The following NTSR1 variants were observed in gnomAD, a reference collection of about 807,000 sequenced individuals.
NTSR1 encodes the protein neurotensin receptor type 1.
In NTSR1, 29 loss-of-function variants were observed where a neutral mutation model predicts 31.2. That is an observed-to-expected ratio of 0.93 (90% CI 0.69 to 1.27). NTSR1 has a LOEUF of 1.27. Among genes scored for constraint, NTSR1 ranks in the 50% most tolerant of loss-of-function variants. The pLI is 0.00. For missense variants in NTSR1, 697 were observed against 595.4 expected (o/e 1.17, Z -1.78); for synonymous variants, 282 against 269.9 (o/e 1.04, Z -0.44).
At chr20:62,748,345 T>C (rs1989338237) in intron 1 of NTSR1, among the ~76,000 whole-genome samples, 1 of 152,174 alleles carries the variant, frequency 6.6e-6, no homozygotes, top group Admixed American at 6.5e-5. Context: ...GTTAAAATTT[T>C]CATACTACCC....
chr20:62,714,190 C>A lies in NTSR1; in HGVS notation c.714+4269C>A, dbSNP rs1400898863. 6.6e-6 allele frequency among the ~76,000 whole-genome samples: 1 copy of A among 152,256 alleles called. No individual in the cohort carries two copies. Among genetic ancestry groups the A allele is most frequent in the African/African-American group, 2.4e-5 (1 of 41,472 alleles). ...GAGGACGGGAAGGGGACCCACGCCACGCAGCTGTGGGCAGCTCTGGCTCTG... is the reference window on the plus strand; with the variant it reads ...GAGGACGGGAAGGGGACCCACGCCAAGCAGCTGTGGGCAGCTCTGGCTCTG... On this transcript the variant is annotated intron_variant, in intron 1 of 3. Transcript: ENST00000370501. The surrounding 1 kb of genome is among the most constrained non-coding windows in gnomAD (Gnocchi z 4.1).
At chr20:62,754,982 G>T in intron 2 of NTSR1, 96 bp downstream of exon 2, 1 of 1,260,444 alleles carries the variant, frequency 7.9e-7, no homozygotes, top group Non-Finnish European at 1.1e-6. Context: ...AAGGTTTAAA[G>T]ACATAGGGAT....
rs1050644319 is a variant in NTSR1, at chr20:62,758,479, G to A, written c.1007+123G>A. On this transcript the variant is annotated intron_variant, in intron 3 of 3. Coordinates refer to ENST00000370501, the MANE Select transcript of NTSR1 (RefSeq NM_002531.3). The surrounding 1 kb of genome is among the most constrained non-coding windows in gnomAD (Gnocchi z 4.5). ...GCAGGGGTGTGGTGAGTCCCCCGGC[G>A]ACCCCCTGGGCAGGGTTGTGCTGTG... 1.5e-4 allele frequency: 124 copies of A among 835,556 alleles called. No homozygotes were observed. The highest frequency in any genetic ancestry group is 2.3e-4 in the Non-Finnish European group (117 of 519,002). The allele number at this position is 835,556 out of a possible 1,614,324, so 51.8% of individuals were successfully genotyped here.
chr20:62,722,641 C>G (rs1445050098), intron 1 of NTSR1, among the ~76,000 whole-genome samples: 1 of 152,216 alleles, frequency 6.6e-6, no homozygotes, highest in Non-Finnish European at 1.5e-5. Flanking sequence ...CTGCCCGGAC[C>G]TCAGCTCTTA....
intron 1 of NTSR1, among the ~76,000 whole-genome samples, chr20:62,722,822 A>G (rs1407259561): frequency 6.6e-6 from 1 of 152,248 alleles, no homozygotes. Flanking sequence ...GAGCTAGTCC[A>G]GTACCCCTGG....
intron 1 of NTSR1, among the ~76,000 whole-genome samples, chr20:62,728,783 G>A (rs1217244201): frequency 2.6e-5 from 4 of 152,158 alleles, no homozygotes; most frequent in Non-Finnish European, 5.9e-5. Context: ...CGTCCACCAG[G>A]TCACCTGGAC....
At position 62,741,231 on chromosome 20, in the gene NTSR1, C is replaced by T. The variant is rs926413166; in HGVS notation, c.715-13454C>T. On this transcript the variant is annotated intron_variant, in intron 1 of 3. Transcript: ENST00000370501. The surrounding 1 kb of genome is among the most constrained non-coding windows in gnomAD (Gnocchi z 4.3). ...CCCGGCAGCCAGGCTGCTGCCAGTC[C>T]CGCAGCTCAGCCGGGCACAGACAGG... Among the ~76,000 whole-genome samples, 1 of 152,224 alleles carries T rather than the reference C, an allele frequency of 6.6e-6. No individual in the cohort carries two copies. Among genetic ancestry groups the T allele is most frequent in the Non-Finnish European group, 1.5e-5 (1 of 68,034 alleles).
At position 62,754,984 on chromosome 20, in the gene NTSR1, C is replaced by T. The variant is rs2147148210; in HGVS notation, c.916+98C>T. On this transcript the variant is annotated intron_variant, in intron 2 of 3. Coordinates refer to ENST00000370501, the MANE Select transcript of NTSR1 (RefSeq NM_002531.3). ...CCCAAGCCTGGGCAAGGTTTAAAGACATAGGGATGGAGCTGTCAGGCCAAG... is the reference window on the plus strand; with the variant it reads ...CCCAAGCCTGGGCAAGGTTTAAAGATATAGGGATGGAGCTGTCAGGCCAAG... The T allele has an allele frequency of 4.1e-6, 5 of 1,234,160 alleles. No homozygotes were observed. In the South Asian group the frequency reaches 7.4e-5, roughly 18 times the overall value. The allele number at this position is 1,234,160 out of a possible 1,614,324, so 76.5% of individuals were successfully genotyped here.
rs372683438 is a variant in NTSR1, at chr20:62,709,473, C to T, written c.266C>T (p.Ala89Val). The change falls in exon 1 of 4, where the codon GCG becomes GTG. Residue 89 changes from alanine (A) to valine (V), a missense_variant. Coordinates refer to ENST00000370501, the MANE Select transcript of NTSR1 (RefSeq NM_002531.3). ...VGNTVTAFTL[A>V]RKKSLQSLQS... ...AACACGGTGACGGCGTTCACGCTGG[C>T]GCGGAAGAAGTCGCTGCAGAGCCTG... 8 of 1,612,444 alleles carry T rather than the reference C, an allele frequency of 5.0e-6. No individual in the cohort carries two copies. The highest frequency in any genetic ancestry group is 2.7e-5 in the African/African-American group (2 of 74,926).
intron 1 of NTSR1, among the ~76,000 whole-genome samples, chr20:62,717,534 C>A (rs142171539): frequency 6.6e-6 from 1 of 152,158 alleles, no homozygotes; most frequent in Non-Finnish European, 1.5e-5. Flanking sequence ...CTGGAGGTAG[C>A]GATTGCCCTG....
In NTSR1 at chr20:62,758,559, G is replaced by A. The variant is rs1219941247; in HGVS notation, c.1007+203G>A. On this transcript the variant is annotated intron_variant, in intron 3 of 3. Transcript: ENST00000370501. The surrounding 1 kb of genome is among the most constrained non-coding windows in gnomAD (Gnocchi z 4.5). ...CAGGTTCAAGGCAGGGGCTATTCAG[G>A]CCAGACTGGTGCAGAGAAAGAAAGT... Among the ~76,000 whole-genome samples, 1 of 152,156 alleles carries A rather than the reference G, an allele frequency of 6.6e-6. No individual in the cohort carries two copies. The highest frequency in any genetic ancestry group is 1.5e-5 in the Non-Finnish European group (1 of 68,032).
At chr20:62,725,709 G>A (rs937233121) in intron 1 of NTSR1, among the ~76,000 whole-genome samples, 2 of 152,156 alleles carry the variant, frequency 1.3e-5, no homozygotes, top group Non-Finnish European at 2.9e-5. Context: ...CACAGACGCC[G>A]CCGCCTCAGC....
Position 62,711,880 on chromosome 20 carries a change from C to T in NTSR1, c.714+1959C>T, listed in dbSNP as rs1020533014. On this transcript the variant is annotated intron_variant, in intron 1 of 3. Coordinates refer to ENST00000370501, the MANE Select transcript of NTSR1 (RefSeq NM_002531.3). The surrounding 1 kb of genome is among the most constrained non-coding windows in gnomAD (Gnocchi z 6.4). ...AAGTCACGCTACGGCCGGCCACAGG[C>T]ACTCGTCCAATCGCAGAGGCCTGTG... Among the ~76,000 whole-genome samples the T allele has an allele frequency of 6.6e-6, 1 of 152,228 alleles. No homozygotes were observed. Among genetic ancestry groups the T allele is most frequent in the Non-Finnish European group, 1.5e-5 (1 of 68,036 alleles).
intron 1 of NTSR1, among the ~76,000 whole-genome samples, chr20:62,725,191 G>A (rs1035829954): frequency 8.5e-5 from 13 of 152,338 alleles, no homozygotes; most frequent in Admixed American, 7.8e-4. Flanking sequence ...AGTGCAAGGG[G>A]AGGAACAGGA....
intron 1 of NTSR1, among the ~76,000 whole-genome samples, chr20:62,737,587 C>T (rs972371696): frequency 1.3e-5 from 2 of 152,116 alleles, no homozygotes; most frequent in African/African-American, 4.8e-5. Context: ...TTGCCCCACT[C>T]GGCCTGAGGA....
In NTSR1 at chr20:62,741,388, G is replaced by A. The variant is rs1175057058; in HGVS notation, c.715-13297G>A. On this transcript the variant is annotated intron_variant, in intron 1 of 3. Transcript: ENST00000370501. This position sits in a 1 kb window ranked among gnomAD's most constrained non-coding sequence, Gnocchi z 4.3. ...CCCTGCTGCCTGGAAGAGGAGAGGA[G>A]GGCAAACCTCTTGCAGAGGTGACGG... 6.7e-6 allele frequency among the ~76,000 whole-genome samples: 1 copy of A among 149,770 alleles called. No homozygotes were observed. Among genetic ancestry groups the A allele is most frequent in the East Asian group, 2.2e-4 (1 of 4,456 alleles).
intron 1 of NTSR1, among the ~76,000 whole-genome samples, chr20:62,737,972 G>A (rs1326673887): frequency 1.3e-5 from 1 of 79,074 alleles, no homozygotes; most frequent in Non-Finnish European, 2.2e-5. Flanking sequence ...TCTGGAAAAT[G>A]GCCCCTTATC....
chr20:62,750,533 A>G (rs898546413), intron 1 of NTSR1, among the ~76,000 whole-genome samples: 5 of 152,004 alleles, frequency 3.3e-5, no homozygotes, highest in African/African-American at 7.2e-5. Context: ...TACTAAAAAT[A>G]CAAAAAAATT....
At position 62,709,896 on chromosome 20, in the gene NTSR1, C is replaced by T; in HGVS notation, c.689C>T (p.Thr230Ile). ...CTGGTGTGCACCCCCACCATCCACA[C>T]TGCCACCGTCAAGGTCGTCATACAG... ...GGLVCTPTIH[T>I]ATVKVVIQVN... is the part of the protein sequence containing the mutation. The change falls in exon 1 of 4, where the codon ACT becomes ATT. Residue 230 changes from threonine to isoleucine, a missense_variant. Transcript: ENST00000370501. 1.9e-6 allele frequency: 3 copies of T among 1,597,674 alleles called. No individual in the cohort carries two copies. The highest frequency in any genetic ancestry group is 8.6e-7 in the Non-Finnish European group (1 of 1,169,252).
Sources: gnomAD v4.1 joint callset for allele counts (sites outside exome capture counted in the v4.1 genomes callset) on GRCh38, gnomAD v4.1.1 for gene constraint, Gnocchi (gnomAD v3.1) non-coding constraint, MANE v1.5 for transcripts, NCBI Gene and HGNC (gene_info 2026-07-23, HGNC 2026-07-21) for gene names.